Variants in TPPP observed in about 807,000 individuals in gnomAD.
The protein encoded by TPPP is tubulin polymerization-promoting protein.
A neutral mutation model predicts 15.5 loss-of-function variants in TPPP; 6 were observed. The observed-to-expected ratio is 0.39, with a 90% CI of 0.21 to 0.77. The LOEUF (loss-of-function observed/expected upper bound fraction) is 0.77. Ranked by LOEUF, TPPP falls within the 30% of genes least tolerant of loss-of-function variation. TPPP has a pLI of 0.42. For synonymous variants in TPPP, 146 were observed against 133.9 expected (o/e 1.09, Z -0.63); for missense variants, 269 against 307.2 (o/e 0.88, Z 0.93).
intron 2 of TPPP, among the ~76,000 whole-genome samples, chr5:668,847 C>T (rs562651878): frequency 6.6e-5 from 10 of 152,360 alleles, no homozygotes; most frequent in East Asian, 3.9e-4. Context: ...CCCCACCCCT[C>T]GAGAACAAGC....
chr5:693,554 T>C (rs1345303510), upstream of TPPP, among the ~76,000 whole-genome samples: 1 of 151,386 alleles, frequency 6.6e-6, no homozygotes, highest in East Asian at 2.0e-4. Flanking sequence ...CAAGGCCGAC[T>C]CTGCTCAGGC....
the TPPP span, among the ~76,000 whole-genome samples, chr5:700,277 A>G: frequency 6.6e-6 from 1 of 152,038 alleles, no homozygotes; most frequent in African/African-American, 2.4e-5. Flanking sequence ...AAAGAATGAA[A>G]TCATATCTTT....
At chr5:672,425 C>T (rs887416484) in intron 2 of TPPP, among the ~76,000 whole-genome samples, 1 of 152,254 alleles carries the variant, frequency 6.6e-6, no homozygotes, top group African/African-American at 2.4e-5. Context: ...TACACCACAC[C>T]CAGCACACAA....
chr5:674,298 C>CGGGGCTGGGATCTACGAA (rs60956071), intron 2 of TPPP, among the ~76,000 whole-genome samples: 2 of 152,076 alleles, frequency 1.3e-5, no homozygotes, highest in African/African-American at 4.8e-5. Flanking sequence ...CCCAGGAGCA[C>CGGGGCTGGGATCTACGAA]GGGGCTGGGT....
chr5:663,750 C>T lies in TPPP; in HGVS notation c.*1352G>A, dbSNP rs1739779725. The stretch of plus-strand genomic sequence containing the variant: ...GAGCCTGACCGTAGCCACGGGCTAA[C>T]AGGCTCTGGAAAAGTTTCCCCAGGA... On this transcript the variant is annotated 3_prime_UTR_variant, in exon 4 of 4. Coordinates refer to ENST00000360578, the MANE Select transcript of TPPP (RefSeq NM_007030.3). The T allele has an allele frequency of 6.6e-6, 1 of 152,462 alleles. No homozygotes were observed. The highest frequency in any genetic ancestry group is 2.4e-5 in the African/African-American group (1 of 41,472). 9.4% of individuals were successfully genotyped at this position (152,462 alleles called of 1,614,324 possible).
At chr5:668,890 G>A (rs886521039) in intron 2 of TPPP, among the ~76,000 whole-genome samples, 2 of 152,138 alleles carry the variant, frequency 1.3e-5, no homozygotes, top group African/African-American at 4.8e-5. Flanking sequence ...TGGGTGCCAA[G>A]TGGCCAGGCT....
At chr5:674,260 C>G (rs781636251) in intron 2 of TPPP, among the ~76,000 whole-genome samples, 1 of 152,118 alleles carries the variant, frequency 6.6e-6, no homozygotes, top group Non-Finnish European at 1.5e-5. Context: ...TCCACACGCC[C>G]GAGCCTGCTG....
chr5:677,338 C>G (rs537779627), intron 2 of TPPP, among the ~76,000 whole-genome samples: 1 of 152,248 alleles, frequency 6.6e-6, no homozygotes, highest in Admixed American at 6.5e-5. Context: ...CCACCTGCCC[C>G]TCCAGGCTCC....
At chr5:670,559 C>T (rs979838895) in intron 2 of TPPP, among the ~76,000 whole-genome samples, 76 of 152,144 alleles carry the variant, frequency 5.0e-4, no homozygotes, top group African/African-American at 1.8e-3. Context: ...CTGGGCCCCA[C>T]GGGGGGAGGG....
chr5:692,555 T>C, intron 1 of TPPP: 2 of 977,538 alleles, frequency 2.0e-6, no homozygotes, highest in South Asian at 4.8e-5. Context: ...GGGACAGGCT[T>C]CTCACCTCCC....
intron 2 of TPPP, among the ~76,000 whole-genome samples, chr5:672,122 G>A (rs1005006426): frequency 7.2e-5 from 11 of 152,234 alleles, no homozygotes; most frequent in Admixed American, 4.6e-4. Context: ...GTTGGCTTCC[G>A]TACTGGGAAC....
chr5:678,172 G>A, intron 1 of TPPP, 108 bp from the exon 2 acceptor site: 2 of 1,205,174 alleles, frequency 1.7e-6, no homozygotes. Context: ...CGTGGCGAGG[G>A]CTGAGATGGG....
intron 1 of TPPP, among the ~76,000 whole-genome samples, chr5:682,134 G>A (rs1484960119): frequency 6.6e-6 from 1 of 150,518 alleles, no homozygotes; most frequent in Non-Finnish European, 1.5e-5. Flanking sequence ...GAACAGAATT[G>A]ACAGGGCTGG....
intron 3 of TPPP, among the ~76,000 whole-genome samples, chr5:665,595 C>A (rs894261173): frequency 1.4e-4 from 21 of 151,424 alleles, no homozygotes; most frequent in Non-Finnish European, 2.1e-4. Context: ...CCAGGCCCCA[C>A]CCTCCAGGCT....
At chr5:681,848 A>T (rs1286554746) in intron 1 of TPPP, among the ~76,000 whole-genome samples, 5 of 152,192 alleles carry the variant, frequency 3.3e-5, no homozygotes, top group Non-Finnish European at 7.3e-5. Context: ...GCAAAGGCAG[A>T]CCCCAGAGGG....
chr5:671,364 C>T (rs184107241), intron 2 of TPPP, among the ~76,000 whole-genome samples: 7 of 152,090 alleles, frequency 4.6e-5, no homozygotes, highest in African/African-American at 9.6e-5. Flanking sequence ...CTGAGGGGCC[C>T]GACCTTCTCT....
rs1221140806 is a variant in TPPP at position 665,110 on chromosome 5, C to T, written c.652G>A (p.Gly218Ser). The T allele has an allele frequency of 6.2e-6, 10 of 1,610,376 alleles. No homozygotes were observed. Among genetic ancestry groups the T allele is most frequent in the East Asian group, 2.2e-5 (1 of 44,886 alleles). ...GAGGCATGGAGCGGGGGCTACTTGC[C>T]CCCTTGCACCTTCTGGTCGTAGGTG... Reference protein sequence around the residue: ...AGTYDQKVQGGK With the variant: ...AGTYDQKVQGSK Residue 218 changes from glycine to serine, a missense_variant, in exon 4 of 4, where the codon GGC becomes AGC. Coordinates refer to ENST00000360578, the MANE Select transcript of TPPP (RefSeq NM_007030.3).
chr5:665,471 A>C, intron 3 of TPPP, 175 bp from the exon 4 acceptor site: 1 of 666,574 alleles, frequency 1.5e-6, no homozygotes, highest in East Asian at 2.8e-5. Context: ...ACCCTGGGGC[A>C]GCCTTGGGCC....
intron 2 of TPPP, among the ~76,000 whole-genome samples, chr5:676,892 GA>G (rs1740458752): frequency 8.2e-6 from 1 of 121,942 alleles, no homozygotes; most frequent in Non-Finnish European, 1.6e-5. Context: ...ACACGACGCA[GA>G]AACGCGCACG....
Sources: allele counts gnomAD v4.1 joint callset (sites outside exome capture counted in the v4.1 genomes callset), GRCh38; gene constraint gnomAD v4.1.1; transcripts MANE v1.5; gene names NCBI Gene and HGNC (gene_info 2026-07-23, HGNC 2026-07-21).